The following GAN variants were observed in gnomAD, a reference collection of about 807,000 sequenced individuals.
The protein encoded by GAN is epididymis secretory sperm binding protein.
In GAN, 48 loss-of-function variants were observed where a neutral mutation model predicts 71.3. The observed-to-expected ratio is 0.67, with a 90% CI of 0.53 to 0.86. The LOEUF (loss-of-function observed/expected upper bound fraction) is 0.86, where lower values mean the gene tolerates loss of function less well. GAN is among the 40% of genes least tolerant of loss of function. The pLI is 0.00. For synonymous variants in GAN, 386 were observed against 276.8 expected, an observed-to-expected ratio of 1.39 and a Z score of -3.92; for missense variants, 928 against 770.1, an observed-to-expected ratio of 1.21 and a Z score of -2.43.
chr16:81,377,140 A>G (rs1200216716), intron 9 of GAN, 79 bp from the exon 10 acceptor site: 1 of 893,808 alleles, frequency 1.1e-6, no homozygotes. Context: ...TGACTCACCA[A>G]GCTTGCTGTG....
intron 1 of GAN, among the ~76,000 whole-genome samples, chr16:81,318,619 C>T (rs187014054): frequency 2.6e-5 from 4 of 152,360 alleles, no homozygotes; most frequent in African/African-American, 4.8e-5. Flanking sequence ...GTTTGGCATA[C>T]TTTCTACTTA....
intron 1 of GAN, among the ~76,000 whole-genome samples, chr16:81,321,041 T>C (rs941787664): frequency 6.6e-6 from 1 of 152,208 alleles, no homozygotes; most frequent in Non-Finnish European, 1.5e-5. Flanking sequence ...TATCCAGGCT[T>C]CTAAGGAAAC....
intron 1 of GAN, among the ~76,000 whole-genome samples, chr16:81,325,169 G>A (rs1398007812): frequency 6.6e-6 from 1 of 152,170 alleles, no homozygotes; most frequent in Admixed American, 6.5e-5. Flanking sequence ...GAAGACTAGT[G>A]AAATACAGAG....
At chr16:81,322,011 T>C (rs556080784) in intron 1 of GAN, among the ~76,000 whole-genome samples, 1 of 152,146 alleles carries the variant, frequency 6.6e-6, no homozygotes, top group Admixed American at 6.5e-5. Flanking sequence ...TCTACCAGAG[T>C]TCCTGATTCT....
intron 5 of GAN, among the ~76,000 whole-genome samples, chr16:81,361,528 C>T (rs183116145): frequency 6.6e-6 from 1 of 152,062 alleles, no homozygotes; most frequent in East Asian, 1.9e-4. Flanking sequence ...GGACCTGGAG[C>T]TTAAACTTCT....
At position 81,384,841 on chromosome 16, in the gene GAN, T is replaced by C. The variant is rs1904354289; in HGVS notation, c.*7245T>C. 6.6e-6 allele frequency: 1 copy of C among 152,630 alleles called. No individual in the cohort carries two copies. Among genetic ancestry groups the C allele is most frequent in the African/African-American group, 2.4e-5 (1 of 41,456 alleles). 9.5% of individuals were successfully genotyped at this position (152,630 alleles called of 1,614,324 possible). A position where few individuals can be genotyped will look rare whatever the true frequency, so the allele number is the denominator to read the frequency against. On this transcript the variant is annotated 3_prime_UTR_variant, in exon 11 of 11. Transcript: ENST00000648994. Reference sequence around the variant, plus strand: ...TCCATCCTCCCTAGTGTCTGTCAGCTTGCCTGGTCACCAAGTCAGGAGGAA... The same window carrying C: ...TCCATCCTCCCTAGTGTCTGTCAGCCTGCCTGGTCACCAAGTCAGGAGGAA...
intron 1 of GAN, among the ~76,000 whole-genome samples, chr16:81,330,810 C>A (rs1328640500): frequency 6.6e-6 from 1 of 152,158 alleles, no homozygotes; most frequent in East Asian, 1.9e-4. Context: ...ACCAAGTGAC[C>A]AAGGTCAGCA....
chr16:81,384,960 C>T lies in GAN; in HGVS notation c.*7364C>T, dbSNP rs544316973. The T allele has an allele frequency of 1.2e-3, 180 of 154,468 alleles. 2 individuals are homozygous for T. The South Asian group carries it at 0.014, about 12-fold the overall frequency. 9.6% of individuals were successfully genotyped at this position (154,468 alleles called of 1,614,324 possible). On this transcript the variant is annotated 3_prime_UTR_variant, in exon 11 of 11. Coordinates refer to ENST00000648994, the MANE Select transcript of GAN (RefSeq NM_022041.4). ...GTTTCAGGGCACAGTTGTACACATT[C>T]TACTTAAATGGAGGAGTTCAGTGAT...
chr16:81,375,746 A>T (rs1457753486), intron 9 of GAN, among the ~76,000 whole-genome samples: 2 of 152,026 alleles, frequency 1.3e-5, no homozygotes, highest in Non-Finnish European at 2.9e-5. Flanking sequence ...CAGAAGGATC[A>T]CTTGAGCCCT....
At chr16:81,332,975 C>T (rs1909636778) in intron 1 of GAN, among the ~76,000 whole-genome samples, 1 of 152,090 alleles carries the variant, frequency 6.6e-6, no homozygotes, top group South Asian at 2.1e-4. Context: ...TGCAATGGCT[C>T]ATGCCTGTAA....
chr16:81,363,733 A>G (rs1474228790), intron 6 of GAN, 61 bp from the exon 7 acceptor site: 11 of 1,509,636 alleles, frequency 7.3e-6, no homozygotes, highest in Non-Finnish European at 9.2e-6. Flanking sequence ...AAGTGTATGA[A>G]TATCAGCTTT....
chr16:81,365,131 CT>C, intron 8 of GAN, 21 bp downstream of exon 8: 1 of 1,611,786 alleles, frequency 6.2e-7, no homozygotes. Flanking sequence ...GTGGGGTGGA[CT>C]TTGTAGATTC....
intron 9 of GAN, among the ~76,000 whole-genome samples, chr16:81,368,406 C>G (rs1257053765): frequency 6.6e-6 from 1 of 152,162 alleles, no homozygotes; most frequent in East Asian, 1.9e-4. Flanking sequence ...CAAGACAACC[C>G]TGAGTAACAT....
chr16:81,370,346 G>T (rs1253387116), intron 9 of GAN, among the ~76,000 whole-genome samples: 1 of 152,142 alleles, frequency 6.6e-6, no homozygotes, highest in Admixed American at 6.5e-5. Flanking sequence ...AACCACATCT[G>T]TTTCAGTCAT....
intron 1 of GAN, among the ~76,000 whole-genome samples, chr16:81,344,854 C>G (rs1910063934): frequency 6.6e-6 from 1 of 152,140 alleles, no homozygotes; most frequent in Non-Finnish European, 1.5e-5. Flanking sequence ...ATCTATGCAT[C>G]TGACAAAGGG....
At chr16:81,340,120 A>G (rs569953781) in intron 1 of GAN, among the ~76,000 whole-genome samples, 1 of 152,252 alleles carries the variant, frequency 6.6e-6, no homozygotes, top group East Asian at 1.9e-4. Context: ...TTTGTTTTAA[A>G]TAGAGATGAG....
intron 1 of GAN, among the ~76,000 whole-genome samples, chr16:81,341,299 C>T (rs1909933087): frequency 6.6e-6 from 1 of 152,044 alleles, no homozygotes; most frequent in Admixed American, 6.5e-5. Context: ...GAGAATGCCA[C>T]AAAGATACTC....
intron 1 of GAN, among the ~76,000 whole-genome samples, chr16:81,338,639 G>C (rs905391834): frequency 1.6e-4 from 25 of 152,286 alleles, no homozygotes; most frequent in Admixed American, 1.3e-4. Context: ...GGTATATAGA[G>C]ATTTAAGTTG....
At chr16:81,363,993 A>G (rs1273601874) in intron 7 of GAN, 50 bp downstream of exon 7, 1 of 1,362,776 alleles carries the variant, frequency 7.3e-7, no homozygotes, top group Non-Finnish European at 1.1e-6. Context: ...TTGGATTTTA[A>G]ACTTAATGTG....
Sources: allele counts gnomAD v4.1 joint callset (sites outside exome capture counted in the v4.1 genomes callset), GRCh38; gene constraint gnomAD v4.1.1; transcripts MANE v1.5; gene names NCBI Gene and HGNC (gene_info 2026-07-23, HGNC 2026-07-21).